The following ATP6V0D2 variants were observed in gnomAD, a reference collection of about 807,000 sequenced individuals.
ATP6V0D2 encodes the protein V-type proton ATPase subunit d 2.
Under a neutral mutation model 40.0 loss-of-function variants are expected in ATP6V0D2, and 40 were observed. The observed-to-expected ratio is 1.00, with a 90% CI of 0.78 to 1.30. ATP6V0D2 has a LOEUF of 1.30. Ranked by LOEUF, ATP6V0D2 falls within the 50% of genes most tolerant of loss-of-function variation. The probability of loss-of-function intolerance (pLI) is 0.00; values close to 1 mark genes in which losing one functional copy is unlikely to be tolerated. For synonymous variants in ATP6V0D2, 179 were observed against 156.3 expected (o/e 1.15, Z -1.08); for missense variants, 470 against 423.1 (o/e 1.11, Z -0.97).
chr8:86,116,108 A>G (rs1163766665), intron 2 of ATP6V0D2, among the ~76,000 whole-genome samples: 2 of 152,240 alleles, frequency 1.3e-5, no homozygotes, highest in Non-Finnish European at 2.9e-5. Context: ...GGACATGATT[A>G]CAATCTTTCA....
intron 2 of ATP6V0D2, among the ~76,000 whole-genome samples, chr8:86,131,963 A>C (rs1166889682): frequency 1.3e-5 from 2 of 152,192 alleles, no homozygotes; most frequent in Non-Finnish European, 2.9e-5. Flanking sequence ...TTATGGAGAC[A>C]GGAGTGATTA....
At chr8:86,151,343 A>G in intron 6 of ATP6V0D2, 123 bp from the exon 7 acceptor site, 1 of 714,440 alleles carries the variant, frequency 1.4e-6, no homozygotes, top group Middle Eastern at 4.1e-4. Context: ...ATAAAAAAAC[A>G]TTCAGTCCTC....
intron 2 of ATP6V0D2, among the ~76,000 whole-genome samples, chr8:86,117,144 AT>A (rs1385668928): frequency 6.6e-6 from 1 of 152,122 alleles, no homozygotes; most frequent in Non-Finnish European, 1.5e-5. Context: ...ATATATTTTA[AT>A]TTTTATAATG....
At chr8:86,131,700 C>T (rs949490625) in intron 2 of ATP6V0D2, among the ~76,000 whole-genome samples, 2 of 151,832 alleles carry the variant, frequency 1.3e-5, no homozygotes, top group Non-Finnish European at 2.9e-5. Context: ...GGGGTTTTAC[C>T]ATGTTGGCCA....
rs182380554 is a variant in ATP6V0D2, at chr8:86,134,664, T to C, written c.303-4793T>C. On this transcript the variant is annotated intron_variant, in intron 2 of 7. Coordinates refer to ENST00000285393, the MANE Select transcript of ATP6V0D2 (RefSeq NM_152565.1). ...TTACTATGCCACTCAGCAACTGCACTTCAGGGCATTTATCCAAGAATAATA... is the reference window on the plus strand; with the variant it reads ...TTACTATGCCACTCAGCAACTGCACCTCAGGGCATTTATCCAAGAATAATA... Among the ~76,000 whole-genome samples the C allele has an allele frequency of 3.6e-3, 547 of 152,328 alleles. 5 individuals are homozygous for C. The highest frequency in any genetic ancestry group is 4.0e-3 in the Non-Finnish European group (271 of 68,020).
chr8:86,129,645 C>A (rs1440004394), intron 2 of ATP6V0D2, among the ~76,000 whole-genome samples: 1 of 151,950 alleles, frequency 6.6e-6, no homozygotes, highest in East Asian at 1.9e-4. Context: ...AACCCCATCT[C>A]TACCAAAATT....
At chr8:86,126,683 A>G (rs1818749490) in intron 2 of ATP6V0D2, among the ~76,000 whole-genome samples, 3 of 152,184 alleles carry the variant, frequency 2.0e-5, no homozygotes, top group Non-Finnish European at 1.5e-5. Flanking sequence ...AGAAAGAAAA[A>G]AGATATCACC....
intron 2 of ATP6V0D2, among the ~76,000 whole-genome samples, chr8:86,130,640 G>A (rs1818811370): frequency 6.6e-6 from 1 of 152,126 alleles, no homozygotes; most frequent in Non-Finnish European, 1.5e-5. Flanking sequence ...TTCCAGGAAG[G>A]AGGAGGAAGG....
intron 5 of ATP6V0D2, among the ~76,000 whole-genome samples, chr8:86,147,193 T>G (rs529674013): frequency 2.2e-4 from 33 of 152,240 alleles, no homozygotes; most frequent in African/African-American, 7.7e-4. Flanking sequence ...TTCACTTCAC[T>G]CTTTTCCATT....
intron 2 of ATP6V0D2, among the ~76,000 whole-genome samples, chr8:86,114,539 A>C (rs951099989): frequency 2.6e-5 from 4 of 151,890 alleles, no homozygotes; most frequent in Non-Finnish European, 5.9e-5. Context: ...GCGTGGTGGC[A>C]CTCCCCTGTA....
chr8:86,109,842 T>C (rs1198890095), intron 1 of ATP6V0D2, among the ~76,000 whole-genome samples: 3 of 152,182 alleles, frequency 2.0e-5, no homozygotes, highest in Non-Finnish European at 2.9e-5. Context: ...CTCCAGACAC[T>C]GAGGAAGACT....
chr8:86,145,310 A>G (rs1168659377), intron 5 of ATP6V0D2, among the ~76,000 whole-genome samples: 1 of 82,648 alleles, frequency 1.2e-5, no homozygotes, highest in Non-Finnish European at 2.3e-5. Flanking sequence ...AGAAAGAAAG[A>G]AAAGAAAGAA....
At chr8:86,126,774 T>G (rs1472489893) in intron 2 of ATP6V0D2, among the ~76,000 whole-genome samples, 1 of 152,018 alleles carries the variant, frequency 6.6e-6, no homozygotes, top group Non-Finnish European at 1.5e-5. Context: ...GGAAGGGAAA[T>G]TTTATACCTC....
intron 2 of ATP6V0D2, among the ~76,000 whole-genome samples, chr8:86,116,476 G>A (rs1336398564): frequency 1.3e-5 from 2 of 152,146 alleles, no homozygotes; most frequent in East Asian, 1.9e-4. Flanking sequence ...AAAGTGCTGG[G>A]ATTATAGACG....
At chr8:86,131,594 G>A (rs4515528) in intron 2 of ATP6V0D2, among the ~76,000 whole-genome samples, 28,206 of 151,896 alleles carry the variant, frequency 0.19, 3,033 homozygotes, top group East Asian at 0.32. Flanking sequence ...TCTGCCTCCC[G>A]GGTTCAAGTG....
Position 86,149,075 on chromosome 8 carries a change from AC to A in ATP6V0D2, c.640-1035del, listed in dbSNP as rs201841917. Among the ~76,000 whole-genome samples the A allele has an allele frequency of 7.6e-4, 108 of 141,416 alleles. 14 individuals carry two copies. Among genetic ancestry groups the A allele is most frequent in the African/African-American group, 1.8e-3 (70 of 37,838 alleles). 92.8% of individuals were successfully genotyped at this position (141,416 alleles called of 152,430 possible). A position where few individuals can be genotyped will look rare whatever the true frequency, so the allele number is the denominator to read the frequency against. On this transcript the variant is annotated intron_variant, in intron 5 of 7. Transcript: ENST00000285393. ...AGGAAGAAAAAAAAAAAAAAAAAAA[AC>A]CAATGAACAAGAAAGACATGGTTCT...
At position 86,138,654 on chromosome 8, in the gene ATP6V0D2, G is replaced by A. The variant is rs1180609559; in HGVS notation, c.303-803G>A. Among the ~76,000 whole-genome samples the A allele has an allele frequency of 3.9e-5, 6 of 152,194 alleles. No homozygotes were observed. In the East Asian group the frequency reaches 1.2e-3, roughly 29 times the overall value. ...AAATTCACAATGTGATCTCATGCGA[G>A]GACAGAATTACACAGTATTTTTTAG... On this transcript the variant is annotated intron_variant, in intron 2 of 7. Coordinates refer to ENST00000285393, the MANE Select transcript of ATP6V0D2 (RefSeq NM_152565.1).
chr8:86,133,316 CTT>C (rs1242479597), intron 2 of ATP6V0D2, among the ~76,000 whole-genome samples: 265 of 77,234 alleles, frequency 3.4e-3, no homozygotes, highest in African/African-American at 0.012. Context: ...AACAGAAAGT[CTT>C]TTTTTTTTTT....
chr8:86,144,882 A>T (rs1259602359), intron 5 of ATP6V0D2, among the ~76,000 whole-genome samples: 1 of 151,856 alleles, frequency 6.6e-6, no homozygotes, highest in Non-Finnish European at 1.5e-5. Flanking sequence ...TTGGCTGGGC[A>T]TGGTGGCTCA....
Sources: gnomAD v4.1 joint callset for allele counts (sites outside exome capture counted in the v4.1 genomes callset) on GRCh38, gnomAD v4.1.1 for gene constraint, MANE v1.5 for transcripts, NCBI Gene and HGNC (gene_info 2026-07-23, HGNC 2026-07-21) for gene names.